The following ATG7 variants were observed in gnomAD, a reference collection of about 807,000 sequenced individuals.
The protein encoded by ATG7 is ubiquitin-like modifier-activating enzyme ATG7.
ATG7 carries 70 observed loss-of-function variants against 82.4 expected under a neutral mutation model. The observed-to-expected ratio is 0.85, with a 90% CI of 0.70 to 1.04. ATG7 has a LOEUF of 1.04. Ranked by LOEUF, ATG7 falls within the 50% of genes least tolerant of loss-of-function variation. The pLI is 0.00. For synonymous variants in ATG7, 287 were observed against 313.0 expected, an observed-to-expected ratio of 0.92 and a Z score of 0.88; for missense variants, 792 against 864.3, an observed-to-expected ratio of 0.92 and a Z score of 1.05.
chr3:11,297,251 G>A (rs919322490), intron 3 of ATG7, among the ~76,000 whole-genome samples: 7 of 152,204 alleles, frequency 4.6e-5, no homozygotes, highest in East Asian at 1.9e-4. Flanking sequence ...TCAGCCACTC[G>A]GGAGGCTGAG....
At chr3:11,482,421 G>A (rs1374911666) in intron 20 of ATG7, among the ~76,000 whole-genome samples, 1 of 152,172 alleles carries the variant, frequency 6.6e-6, no homozygotes, top group African/African-American at 2.4e-5. Flanking sequence ...CAGCAGCAAA[G>A]AAAGATGCTT....
chr3:11,429,716 G>A (rs1237490085), intron 20 of ATG7, among the ~76,000 whole-genome samples: 3 of 151,964 alleles, frequency 2.0e-5, no homozygotes, highest in African/African-American at 4.8e-5. Flanking sequence ...GGGAGGCCAA[G>A]GCTGGTGGAG....
chr3:11,443,567 A>C (rs1222485927), intron 20 of ATG7, among the ~76,000 whole-genome samples: 1 of 152,074 alleles, frequency 6.6e-6, no homozygotes, highest in Non-Finnish European at 1.5e-5. Context: ...TTTGTATCTT[A>C]GTAGAGACAG....
intron 19 of ATG7, among the ~76,000 whole-genome samples, chr3:11,404,115 A>G (rs1236865917): frequency 6.9e-6 from 1 of 145,892 alleles, no homozygotes; most frequent in Non-Finnish European, 1.5e-5. Context: ...CCTGCTTATT[A>G]ACCAGCTCAA....
chr3:11,310,826 G>A (rs143045900), intron 7 of ATG7, among the ~76,000 whole-genome samples: 3,165 of 152,064 alleles, frequency 0.021, 112 homozygotes, highest in African/African-American at 0.069. Flanking sequence ...TAGAGAGGGG[G>A]TTTCACCGTG....
intron 20 of ATG7, among the ~76,000 whole-genome samples, chr3:11,554,126 G>A (rs887555244): frequency 1.3e-5 from 2 of 152,188 alleles, no homozygotes; most frequent in African/African-American, 2.4e-5. Context: ...GCTCTTGCTG[G>A]GTCCCTCAGT....
intron 20 of ATG7, among the ~76,000 whole-genome samples, chr3:11,542,320 G>A (rs200558106): frequency 2.0e-5 from 3 of 152,198 alleles, no homozygotes; most frequent in Non-Finnish European, 2.9e-5. Flanking sequence ...CAAATATAGC[G>A]GGACCCTGAG....
chr3:11,525,362 T>A (rs1012639353), intron 20 of ATG7, among the ~76,000 whole-genome samples: 1 of 151,180 alleles, frequency 6.6e-6, no homozygotes, highest in Admixed American at 6.6e-5. Context: ...TTTATTTAAC[T>A]ATTCCTTGAA....
chr3:11,328,945 C>G (rs1236925865), intron 9 of ATG7, among the ~76,000 whole-genome samples: 1 of 152,138 alleles, frequency 6.6e-6, no homozygotes, highest in African/African-American at 2.4e-5. Flanking sequence ...AAAAAATTAG[C>G]AGGGCGTGGT....
intron 5 of ATG7, among the ~76,000 whole-genome samples, chr3:11,304,927 A>C (rs1056904060): frequency 3.9e-5 from 6 of 152,148 alleles, no homozygotes; most frequent in Non-Finnish European, 8.8e-5. Context: ...AGATTCATAG[A>C]GTTGTGCTGC....
chr3:11,477,038 G>C, intron 20 of ATG7: 1 of 1,190,478 alleles, frequency 8.4e-7, no homozygotes, highest in Non-Finnish European at 1.1e-6. Context: ...TGATTGTTAT[G>C]CACAATGGGC....
chr3:11,497,520 A>C (rs1394688368), intron 20 of ATG7, among the ~76,000 whole-genome samples: 4 of 133,962 alleles, frequency 3.0e-5, no homozygotes, highest in Non-Finnish European at 6.3e-5. Context: ...TGGGTGACAG[A>C]GCGAGACTCC....
intron 5 of ATG7, among the ~76,000 whole-genome samples, chr3:11,302,093 A>C (rs1443481944): frequency 2.0e-5 from 3 of 152,224 alleles, no homozygotes; most frequent in African/African-American, 4.8e-5. Context: ...TGTGCAAGGC[A>C]CTGTGGTAGA....
chr3:11,544,427 C>T (rs2071098035), intron 20 of ATG7, among the ~76,000 whole-genome samples: 2 of 152,244 alleles, frequency 1.3e-5, no homozygotes, highest in South Asian at 4.1e-4. Context: ...CCCAATCCTG[C>T]CTGGGGCCTC....
At chr3:11,296,721 T>C (rs1945981269) in intron 3 of ATG7, among the ~76,000 whole-genome samples, 1 of 152,150 alleles carries the variant, frequency 6.6e-6, no homozygotes, top group African/African-American at 2.4e-5. Flanking sequence ...GTTTCACGTG[T>C]CCCTATTTCT....
At chr3:11,333,750 T>A (rs1368112871) in intron 11 of ATG7, among the ~76,000 whole-genome samples, 1 of 144,486 alleles carries the variant, frequency 6.9e-6, no homozygotes. Flanking sequence ...ATATATTTCT[T>A]TTTTTTTTTT....
intron 18 of ATG7, among the ~76,000 whole-genome samples, chr3:11,371,994 G>A (rs1310399931): frequency 6.6e-6 from 1 of 151,294 alleles, no homozygotes; most frequent in Non-Finnish European, 1.5e-5. Flanking sequence ...CATATAAAGC[G>A]AGGCCAAACG....
chr3:11,313,032 A>C (rs1020890966), intron 7 of ATG7, among the ~76,000 whole-genome samples: 1 of 152,212 alleles, frequency 6.6e-6, no homozygotes, highest in African/African-American at 2.4e-5. Flanking sequence ...TATCAATTAC[A>C]TATTGCACAT....
At chr3:11,443,638 C>T (rs1680796974) in intron 20 of ATG7, among the ~76,000 whole-genome samples, 1 of 152,186 alleles carries the variant, frequency 6.6e-6, no homozygotes, top group Non-Finnish European at 1.5e-5. Context: ...CCACCTGCCT[C>T]AGCCTCCCAA....
Sources: gnomAD v4.1 joint callset for allele counts (sites outside exome capture counted in the v4.1 genomes callset) on GRCh38, gnomAD v4.1.1 for gene constraint, MANE v1.5 for transcripts, NCBI Gene and HGNC (gene_info 2026-07-23, HGNC 2026-07-21) for gene names.